ALG8: variants seen among roughly 807,000 people sequenced by gnomAD.
ALG8 encodes the protein dolichyl pyrophosphate Glc1Man9GlcNAc2 alpha-1,3-glucosyltransferase.
Under a neutral mutation model 70.2 loss-of-function variants are expected in ALG8, and 48 were observed. The ratio of observed to expected loss-of-function variants is 0.68; its 90% CI spans 0.54 to 0.87. ALG8 has a LOEUF of 0.87. Ranked by LOEUF, ALG8 falls within the 40% of genes least tolerant of loss-of-function variation. ALG8 has a pLI of 0.00. For synonymous variants in ALG8, 234 were observed against 229.0 expected (o/e 1.02, Z -0.20); for missense variants, 572 against 608.7 (o/e 0.94, Z 0.64).
intron 8 of ALG8, among the ~76,000 whole-genome samples, chr11:78,110,397 G>C (rs1860234191): frequency 6.6e-6 from 1 of 152,114 alleles, no homozygotes; most frequent in African/African-American, 2.4e-5. Flanking sequence ...TCACCATGTT[G>C]GCCAGGCTGG....
chr11:78,107,671 T>C (rs1297286239), intron 9 of ALG8: 2 of 163,926 alleles, frequency 1.2e-5, no homozygotes, highest in African/African-American at 2.4e-5. Flanking sequence ...AAACCCCATC[T>C]CTACTAAAAA....
At chr11:78,127,553 C>A in intron 1 of ALG8, 117 bp from the exon 2 acceptor site, 3 of 853,142 alleles carry the variant, frequency 3.5e-6, no homozygotes. Flanking sequence ...GCTCACTGTC[C>A]TATAGAGACA....
chr11:78,111,155 G>T (rs1472794746), intron 8 of ALG8, among the ~76,000 whole-genome samples: 1 of 152,096 alleles, frequency 6.6e-6, no homozygotes, highest in Admixed American at 6.6e-5. Flanking sequence ...AACAGTAATA[G>T]TGGCCACCAT....
At chr11:78,120,592 T>C (rs1276269281) in intron 4 of ALG8, among the ~76,000 whole-genome samples, 6 of 152,208 alleles carry the variant, frequency 3.9e-5, no homozygotes, top group Non-Finnish European at 8.8e-5. Context: ...AAACTGCAAC[T>C]ATTAGTTTCC....
rs368832117 is a variant in ALG8 at position 78,121,011 on chromosome 11, T to G, written c.478+54A>C. The G allele has an allele frequency of 1.3e-4, 179 of 1,411,936 alleles. No homozygotes were observed. The African/African-American group carries it at 2.2e-3, about 17-fold the overall frequency. 87.5% of individuals were successfully genotyped at this position (1,411,936 alleles called of 1,614,324 possible). On this transcript the variant is annotated intron_variant, in intron 4 of 12. Coordinates refer to ENST00000299626, the MANE Select transcript of ALG8 (RefSeq NM_024079.5). The stretch of plus-strand genomic sequence containing the variant: ...ATTATTATAGAAAACATTAATCTTG[T>G]ATTAGTATACATCAGAATTAGTAAG...
At chr11:78,130,526 T>C (rs1861267075) in intron 1 of ALG8, among the ~76,000 whole-genome samples, 1 of 152,148 alleles carries the variant, frequency 6.6e-6, no homozygotes, top group African/African-American at 2.4e-5. Flanking sequence ...GCACTTCTGG[T>C]ATTTTATACT....
At chr11:78,106,651 A>C (rs1203242628) in intron 10 of ALG8, among the ~76,000 whole-genome samples, 156 bp downstream of exon 10, 3 of 152,090 alleles carry the variant, frequency 2.0e-5, no homozygotes, top group Admixed American at 2.0e-4. Flanking sequence ...AAGAATCTCA[A>C]GTTAAGCATC....
chr11:78,104,016 G>T lies in ALG8; in HGVS notation c.1313C>A (p.Thr438Asn). 1 of 1,510,104 alleles carries T rather than the reference G, an allele frequency of 6.6e-7. No individual in the cohort carries two copies. The highest frequency in any genetic ancestry group is 9.2e-7 in the Non-Finnish European group (1 of 1,089,294). 93.5% of individuals were successfully genotyped at this position (1,510,104 alleles called of 1,614,324 possible). Residue 438 changes from threonine (T) to asparagine (N), a missense_variant, in exon 12 of 13, where the codon ACC (threonine) becomes AAC (asparagine). Transcript: ENST00000299626. ...CTTCAGTGACGAAATACTATATATG[G>T]TGAATAGTAACATGAGTAAGATTTT... is the stretch of plus-strand genomic sequence containing the variant. ...PIKILLMLLFTIYSISSLKTL... is the reference protein window; with the variant it reads ...PIKILLMLLFNIYSISSLKTL...
At position 78,125,181 on chromosome 11, in the gene ALG8, C is replaced by T. The variant is rs548189592; in HGVS notation, c.175-967G>A. ...CCGAGTAGCTGGGACTACAGGAGCC[C>T]GCCACCACACCCGGCTAATTTTTTG... is the stretch of plus-strand genomic sequence containing the variant. On this transcript the variant is annotated intron_variant, in intron 2 of 12. Transcript: ENST00000299626. Among the ~76,000 whole-genome samples the T allele has an allele frequency of 1.7e-3, 265 of 151,858 alleles. 2 individuals carry two copies. The highest frequency in any genetic ancestry group is 6.0e-3 in the African/African-American group (247 of 41,436).
At chr11:78,118,935 C>G (rs751961572) in intron 5 of ALG8, among the ~76,000 whole-genome samples, 1 of 152,128 alleles carries the variant, frequency 6.6e-6, no homozygotes, top group Admixed American at 6.6e-5. Context: ...CAAACAAAAA[C>G]TCAATTTAAT....
chr11:78,102,615 A>G (rs780323177), intron 12 of ALG8, among the ~76,000 whole-genome samples: 9 of 152,334 alleles, frequency 5.9e-5, no homozygotes, highest in Non-Finnish European at 8.8e-5. Flanking sequence ...AGTTAATTAT[A>G]TAAGTTTTTA....
intron 1 of ALG8, among the ~76,000 whole-genome samples, chr11:78,128,345 C>G (rs1861167105): frequency 6.6e-6 from 1 of 152,162 alleles, no homozygotes; most frequent in African/African-American, 2.4e-5. Context: ...ATCCACTCAC[C>G]AAAGTGAACA....
At chr11:78,115,476 G>A (rs539498972) in intron 5 of ALG8, among the ~76,000 whole-genome samples, 4 of 151,468 alleles carry the variant, frequency 2.6e-5, no homozygotes, top group South Asian at 2.1e-4. Context: ...TCCACTTTCC[G>A]GGTTCAAGTA....
chr11:78,106,276 C>A (rs966716778), intron 10 of ALG8, among the ~76,000 whole-genome samples: 2 of 152,052 alleles, frequency 1.3e-5, no homozygotes, highest in African/African-American at 4.8e-5. Flanking sequence ...CGGCTCACTG[C>A]AACCTCTTCC....
chr11:78,117,550 A>C (rs2136911687), intron 5 of ALG8, among the ~76,000 whole-genome samples: 1 of 151,392 alleles, frequency 6.6e-6, no homozygotes, highest in South Asian at 2.1e-4. Context: ...GAGTGGGAGG[A>C]TCACTTGTGG....
intron 3 of ALG8, among the ~76,000 whole-genome samples, chr11:78,123,312 A>C (rs1860906974): frequency 8.4e-6 from 1 of 118,928 alleles, no homozygotes; most frequent in Non-Finnish European, 1.7e-5. Context: ...CAGGGAAAAA[A>C]AAGAAAAAAA....
In ALG8 at chr11:78,104,431, C is replaced by T; in HGVS notation, c.1201G>A (p.Gly401Arg). The change falls in exon 11 of 13, where the codon GGA (glycine) becomes AGA (arginine). Residue 401 changes from glycine to arginine, a missense_variant. By Grantham distance (125) the Gly-to-Arg change is moderately radical (BLOSUM62 -2). Transcript: ENST00000299626. ...PMSLLSVGKA[G>R]DASIFLILTT... is the part of the protein sequence containing the mutation. ...AGAATCAGAAAAATCGAAGCGTCTC[C>T]TGCTTTTCCCACAGACAAAAGGCTA... The T allele has an allele frequency of 6.3e-7, 1 of 1,592,522 alleles. No homozygotes were observed. Among genetic ancestry groups the T allele is most frequent in the African/African-American group, 1.3e-5 (1 of 74,748 alleles).
chr11:78,124,484 T>G (rs1454512727), intron 2 of ALG8, among the ~76,000 whole-genome samples: 1 of 152,212 alleles, frequency 6.6e-6, no homozygotes, highest in African/African-American at 2.4e-5. Flanking sequence ...GAAATGCTGT[T>G]GCACTTAAAA....
chr11:78,138,594 C>T (rs973712047), intron 1 of ALG8: 23 of 399,814 alleles, frequency 5.8e-5, no homozygotes, highest in South Asian at 2.2e-4. Context: ...ACCAATAAAA[C>T]AAACCCTAAA....
Sources: allele counts gnomAD v4.1 joint callset (sites outside exome capture counted in the v4.1 genomes callset), GRCh38; gene constraint gnomAD v4.1.1; transcripts MANE v1.5; gene names NCBI Gene and HGNC (gene_info 2026-07-23, HGNC 2026-07-21).